Variants in ADGRL3 observed in about 807,000 individuals in gnomAD.
The protein encoded by ADGRL3 is adhesion G protein-coupled receptor L3.
ADGRL3 carries 62 observed loss-of-function variants against 153.5 expected under a neutral mutation model. That is an observed-to-expected ratio of 0.40 (90% CI 0.33 to 0.50). ADGRL3 has a LOEUF of 0.50. Ranked by LOEUF, ADGRL3 falls within the 20% of genes least tolerant of loss-of-function variation. The pLI is 0.47. For synonymous variants in ADGRL3, 710 were observed against 672.5 expected, an observed-to-expected ratio of 1.06 and a Z score of -0.86; for missense variants, 1,641 against 1,859.4, an observed-to-expected ratio of 0.88 and a Z score of 2.16.
intron 9 of ADGRL3, among the ~76,000 whole-genome samples, chr4:61,816,261 AT>A (rs1240405694): frequency 6.6e-6 from 1 of 152,216 alleles, no homozygotes; most frequent in African/African-American, 2.4e-5. Context: ...AATATTTATT[AT>A]AGTTTTGAGA....
At chr4:61,371,565 C>G (rs897858386) in intron 1 of ADGRL3, among the ~76,000 whole-genome samples, 3 of 152,192 alleles carry the variant, frequency 2.0e-5, no homozygotes, top group African/African-American at 7.2e-5. Context: ...GGCCCCCACT[C>G]TCTTCTGGCT....
Position 61,291,351 on chromosome 4 carries a change from C to G in ADGRL3, c.-240+89586C>G, listed in dbSNP as rs964827128. Among the ~76,000 whole-genome samples the G allele has an allele frequency of 3.3e-5, 5 of 151,334 alleles. No homozygotes were observed. In the East Asian group the frequency reaches 7.8e-4, roughly 23 times the overall value. Reference sequence around the variant, plus strand: ...AAAATAATACAAATATAAAACAATACAGTGTAACAATGATTTATGTAGCAT... The same window carrying G: ...AAAATAATACAAATATAAAACAATAGAGTGTAACAATGATTTATGTAGCAT... On this transcript the variant is annotated intron_variant, in intron 1 of 26. Coordinates refer to ENST00000683033, the MANE Select transcript of ADGRL3 (RefSeq NM_001387552.1).
At chr4:61,224,590 G>A (rs1373216442) in intron 1 of ADGRL3, among the ~76,000 whole-genome samples, 1 of 152,122 alleles carries the variant, frequency 6.6e-6, no homozygotes, top group South Asian at 2.1e-4. Flanking sequence ...GTTGTTTAAC[G>A]TATGTCAGTA....
chr4:61,347,267 AT>A (rs986931308), intron 1 of ADGRL3, among the ~76,000 whole-genome samples: 6 of 150,684 alleles, frequency 4.0e-5, no homozygotes, highest in Admixed American at 2.0e-4. Flanking sequence ...AGGCATAGTT[AT>A]TTTTTTTTCC....
chr4:61,253,927 T>G (rs935017768), intron 1 of ADGRL3, among the ~76,000 whole-genome samples: 1 of 152,174 alleles, frequency 6.6e-6, no homozygotes, highest in African/African-American at 2.4e-5. Context: ...ATCCCTATGA[T>G]TCTGTGAACC....
intron 2 of ADGRL3, among the ~76,000 whole-genome samples, chr4:61,432,415 T>C (rs1218593217): frequency 1.3e-5 from 2 of 152,124 alleles, no homozygotes; most frequent in Non-Finnish European, 2.9e-5. Flanking sequence ...TACATTGTAT[T>C]CTCTCCTAAT....
rs115117714 is a variant in ADGRL3, at chr4:61,832,067, C to T, written c.1480+18178C>T. Among the ~76,000 whole-genome samples, 1,136 of 152,090 alleles carry T rather than the reference C, an allele frequency of 7.5e-3. 22 individuals are homozygous for T. Among genetic ancestry groups the T allele is most frequent in the African/African-American group, 0.026 (1,094 of 41,464 alleles). ...AGGCCAAGGGAAAGCATTCTTTCTGCCCTCTAATGTTCACTGAACATGAAA... is the reference window on the plus strand; with the variant it reads ...AGGCCAAGGGAAAGCATTCTTTCTGTCCTCTAATGTTCACTGAACATGAAA... On this transcript the variant is annotated intron_variant, in intron 9 of 26. Coordinates refer to ENST00000683033, the MANE Select transcript of ADGRL3 (RefSeq NM_001387552.1).
intron 4 of ADGRL3, among the ~76,000 whole-genome samples, chr4:61,541,346 A>ATTTTTTTTTTTTTTTTTT (rs3075146): frequency 9.7e-6 from 1 of 103,338 alleles, no homozygotes; most frequent in African/African-American, 3.9e-5. Flanking sequence ...TCTGGTAGAG[A>ATTTTTTTTTTTTTTTTTT]TTTTTTTTTT....
chr4:61,931,809 G>A (rs1044480442), intron 13 of ADGRL3, among the ~76,000 whole-genome samples: 3 of 152,102 alleles, frequency 2.0e-5, no homozygotes, highest in African/African-American at 7.2e-5. Context: ...TTATCTTGAA[G>A]AATACACTTG....
At chr4:61,917,127 A>G (rs2098748669) in intron 13 of ADGRL3, among the ~76,000 whole-genome samples, 1 of 152,160 alleles carries the variant, frequency 6.6e-6, no homozygotes, top group Non-Finnish European at 1.5e-5. Context: ...AGGTTAAATG[A>G]CTTTCACAAG....
Position 61,895,833 on chromosome 4 carries a change from A to T in ADGRL3, c.1886A>T (p.Lys629Met). 1 of 1,558,822 alleles carries T rather than the reference A, an allele frequency of 6.4e-7. No individual in the cohort carries two copies. The highest frequency in any genetic ancestry group is 8.7e-7 in the Non-Finnish European group (1 of 1,144,154). The part of the protein sequence containing the change: ...SSPWVNHITQ[K>M]LKSGETAANI... ...CCTTGGGTCAATCATATAACACAGA[A>T]GGTAAATCTTGTGACTGACAAGAAA... Residue 629 changes from lysine to methionine, a missense_variant and splice_region_variant, in exon 11 of 27, where the codon AAG (lysine) becomes ATG (methionine). Physicochemically the swap from Lys to Met is moderately conservative, Grantham distance 95 (BLOSUM62 -1). Transcript: ENST00000683033.
intron 6 of ADGRL3, among the ~76,000 whole-genome samples, chr4:61,727,622 G>A (rs1249473888): frequency 6.6e-6 from 1 of 152,060 alleles, no homozygotes; most frequent in Non-Finnish European, 1.5e-5. Flanking sequence ...AGGCTGTTTT[G>A]TAGCAACAAA....
At chr4:61,637,232 G>C (rs2093463280) in intron 5 of ADGRL3, among the ~76,000 whole-genome samples, 1 of 152,072 alleles carries the variant, frequency 6.6e-6, no homozygotes, top group South Asian at 2.1e-4. Context: ...AATCCAATAT[G>C]ACTTGTGTCC....
chr4:61,302,122 A>G (rs1032235139), intron 1 of ADGRL3, among the ~76,000 whole-genome samples: 1 of 152,168 alleles, frequency 6.6e-6, no homozygotes, highest in Admixed American at 6.5e-5. Flanking sequence ...GCAGAAGTGG[A>G]TTAAAAGGAT....
At chr4:61,582,454 C>T (rs747566532) in intron 4 of ADGRL3, among the ~76,000 whole-genome samples, 1 of 151,860 alleles carries the variant, frequency 6.6e-6, no homozygotes, top group African/African-American at 2.4e-5. Context: ...TTTTCTGTTC[C>T]TGTGTTAGTT....
At chr4:61,885,603 C>T (rs899557161) in intron 9 of ADGRL3, among the ~76,000 whole-genome samples, 10 of 152,072 alleles carry the variant, frequency 6.6e-5, no homozygotes, top group South Asian at 6.2e-4. Flanking sequence ...ACCATAGTAA[C>T]GCCTATAAAA....
At chr4:61,608,424 A>G (rs1185419684) in intron 5 of ADGRL3, among the ~76,000 whole-genome samples, 1 of 152,260 alleles carries the variant, frequency 6.6e-6, no homozygotes. Context: ...CATTATAAGT[A>G]AACTGAATTA....
At chr4:61,309,244 T>C (rs538795051) in intron 1 of ADGRL3, among the ~76,000 whole-genome samples, 2 of 152,198 alleles carry the variant, frequency 1.3e-5, no homozygotes, top group Non-Finnish European at 2.9e-5. Context: ...TTGTCTACTA[T>C]GTGGTTCAAT....
At chr4:61,975,813 C>T (rs1045456326) in intron 17 of ADGRL3, among the ~76,000 whole-genome samples, 3 of 152,158 alleles carry the variant, frequency 2.0e-5, no homozygotes, top group Non-Finnish European at 2.9e-5. Flanking sequence ...GTCAATATAA[C>T]TCCTGAGTTT....
Sources: gnomAD v4.1 joint callset for allele counts (sites outside exome capture counted in the v4.1 genomes callset) on GRCh38, gnomAD v4.1.1 for gene constraint, MANE v1.5 for transcripts, NCBI Gene and HGNC (gene_info 2026-07-23, HGNC 2026-07-21) for gene names.